Variants in MYBL2 observed in about 807,000 individuals in gnomAD.
The protein encoded by MYBL2 is MYB proto-oncogene like 2.
A neutral mutation model predicts 79.9 loss-of-function variants in MYBL2; 28 were observed. The observed-to-expected ratio is 0.35, with a 90% confidence interval of 0.26 to 0.48. The LOEUF (loss-of-function observed/expected upper bound fraction) is 0.48. Ranked by LOEUF, MYBL2 falls within the 20% of genes least tolerant of loss-of-function variation. The pLI, the probability that MYBL2 is intolerant of heterozygous loss-of-function variation, is 0.99. For synonymous variants in MYBL2, 378 were observed against 361.2 expected, an observed-to-expected ratio of 1.05 and a Z score of -0.53; for missense variants, 735 against 893.9, an observed-to-expected ratio of 0.82 and a Z score of 2.27.
At chr20:43,668,329 T>A (rs1986773818) in intron 1 of MYBL2, among the ~76,000 whole-genome samples, 1 of 150,714 alleles carries the variant, frequency 6.6e-6, no homozygotes, top group Admixed American at 6.7e-5. Context: ...GCTTCCCGAG[T>A]AGCTGGGACT....
intron 1 of MYBL2, 74 bp downstream of exon 1, chr20:43,667,377 A>T (rs1207430349): frequency 1.1e-6 from 1 of 928,872 alleles, no homozygotes; most frequent in East Asian, 6.9e-5. Context: ...GATACCCCCG[A>T]CCCTCCCCAG....
At chr20:43,671,559 G>A (rs564411270) in intron 1 of MYBL2, among the ~76,000 whole-genome samples, 3 of 135,352 alleles carry the variant, frequency 2.2e-5, no homozygotes, top group Admixed American at 8.4e-5. Flanking sequence ...CGCAACCTCC[G>A]CCTCCCAGGT....
chr20:43,699,415 G>T (rs1987631282), intron 6 of MYBL2, among the ~76,000 whole-genome samples: 1 of 152,118 alleles, frequency 6.6e-6, no homozygotes, highest in African/African-American at 2.4e-5. Context: ...TAAGAATAAG[G>T]CCATTTGCTT....
chr20:43,695,396 T>A (rs1272134821), intron 6 of MYBL2, among the ~76,000 whole-genome samples: 1 of 152,146 alleles, frequency 6.6e-6, no homozygotes, highest in Non-Finnish European at 1.5e-5. Context: ...TGGTGTGCTA[T>A]TTATTTAACT....
chr20:43,692,207 T>C lies in MYBL2; in HGVS notation c.551T>C (p.Val184Ala), dbSNP rs1022966588. The C allele has an allele frequency of 1.4e-5, 22 of 1,614,012 alleles. No individual in the cohort carries two copies. Among genetic ancestry groups the C allele is most frequent in the Non-Finnish European group, 1.7e-5 (20 of 1,180,048 alleles). Residue 184 changes from valine (V) to alanine (A), a missense_variant, in exon 6 of 14, where the codon GTG becomes GCG. By Grantham distance (64) the Val-to-Ala change is moderately conservative. Coordinates refer to ENST00000217026, the MANE Select transcript of MYBL2 (RefSeq NM_002466.4). ...TGGAACTCTACCATCAAAAGGAAGG[T>C]GGACACAGGAGGCTTCTTGAGCGAG... Reference protein sequence around the residue: ...NHWNSTIKRKVDTGGFLSESK... With the variant: ...NHWNSTIKRKADTGGFLSESK...
intron 6 of MYBL2, among the ~76,000 whole-genome samples, chr20:43,699,409 A>T (rs2145726555): frequency 6.6e-6 from 1 of 152,318 alleles, no homozygotes; most frequent in East Asian, 1.9e-4. Context: ...GATTCCTAAG[A>T]ATAAGGCCAT....
intron 10 of MYBL2, among the ~76,000 whole-genome samples, 198 bp from the exon 11 acceptor site, chr20:43,711,290 G>T (rs1046925646): frequency 3.3e-5 from 5 of 152,220 alleles, no homozygotes; most frequent in Admixed American, 1.3e-4. Context: ...AGGCCCCTGG[G>T]AATCAAGGTC....
chr20:43,706,719 G>GTTTTTTTTTTTTTTTTTTTTT (rs71193702), intron 9 of MYBL2, among the ~76,000 whole-genome samples: 8 of 70,766 alleles, frequency 1.1e-4, no homozygotes, highest in African/African-American at 3.0e-4. Context: ...AAAAAAAAAA[G>GTTTTTTTTTTTTTTTTTTTTT]TTTTTTTTTT....
intron 5 of MYBL2, among the ~76,000 whole-genome samples, chr20:43,691,149 G>C (rs1211349579): frequency 6.6e-6 from 1 of 152,168 alleles, no homozygotes; most frequent in Non-Finnish European, 1.5e-5. Flanking sequence ...CCACTTATCA[G>C]TCTGTGGGAG....
chr20:43,695,458 T>G (rs927252680), intron 6 of MYBL2, among the ~76,000 whole-genome samples: 1 of 152,220 alleles, frequency 6.6e-6, no homozygotes, highest in Non-Finnish European at 1.5e-5. Context: ...TTATTAGAGA[T>G]AAAACTCTTA....
intron 4 of MYBL2, among the ~76,000 whole-genome samples, chr20:43,685,259 C>A (rs1322195700): frequency 6.6e-6 from 1 of 151,786 alleles, no homozygotes; most frequent in African/African-American, 2.4e-5. Context: ...CAGCTCATTG[C>A]AACCTCCTCC....
intron 8 of MYBL2, among the ~76,000 whole-genome samples, chr20:43,704,042 CAGGCTGG>C (rs1270690482): frequency 6.6e-6 from 1 of 152,146 alleles, no homozygotes; most frequent in East Asian, 1.9e-4. Flanking sequence ...CTCTGTTGCC[CAGGCTGG>C]AGGCTGGAGG....
At position 43,699,813 on chromosome 20, in the gene MYBL2, C is replaced by T; in HGVS notation, c.720C>T (p.Asn240=). 2 of 1,614,156 alleles carry T rather than the reference C, an allele frequency of 1.2e-6. No individual in the cohort carries two copies. The highest frequency in any genetic ancestry group is 1.3e-5 in the African/African-American group (1 of 75,014). ...CTCCTACCATAAAGGAGGAGGAAAA[C>T]AGTGAGGAGGAACTTGCAGCAGCCA... ...SVPPTIKEEE[N]SEEELAAATT... Residue 240 remains asparagine, a synonymous_variant, in exon 7 of 14, where the codon AAC becomes AAT. Transcript: ENST00000217026.
intron 1 of MYBL2, 30 bp downstream of exon 1, chr20:43,667,333 T>C (rs1600537416): frequency 8.2e-7 from 1 of 1,214,268 alleles, no homozygotes. Flanking sequence ...CTTGGGCCCC[T>C]CCCCCTCCCT....
At chr20:43,672,815 C>T (rs1462566008) in intron 1 of MYBL2, among the ~76,000 whole-genome samples, 2 of 152,146 alleles carry the variant, frequency 1.3e-5, no homozygotes, top group African/African-American at 4.8e-5. Context: ...TAACTAATAT[C>T]TCTTAAAATC....
intron 2 of MYBL2, among the ~76,000 whole-genome samples, chr20:43,674,690 G>A (rs1359008504): frequency 1.3e-5 from 2 of 150,054 alleles, no homozygotes; most frequent in African/African-American, 4.9e-5. Context: ...CACTGCACCC[G>A]GCCTTAATTT....
At position 43,712,932 on chromosome 20, in the gene MYBL2, G is replaced by T; in HGVS notation, c.1720-70G>T. The T allele has an allele frequency of 2.4e-6, 3 of 1,243,010 alleles. No individual in the cohort carries two copies. The South Asian group carries it at 3.9e-5, about 16-fold the overall frequency. The allele number at this position is 1,243,010 out of a possible 1,614,324, so 77.0% of individuals were successfully genotyped here. A position where few individuals can be genotyped will look rare whatever the true frequency, so the allele number is the denominator to read the frequency against. On this transcript the variant is annotated intron_variant, in intron 11 of 13. Transcript: ENST00000217026. ...TGGTTTTGTGACCATCCATGGCCAT[G>T]ACCATCCAGGTGCTGACCATGGGGA...
intron 12 of MYBL2, among the ~76,000 whole-genome samples, chr20:43,713,474 G>A (rs1158739581): frequency 2.7e-5 from 4 of 149,952 alleles, no homozygotes; most frequent in East Asian, 2.0e-4. Context: ...TGCAACCTCC[G>A]TCTCCCGAGT....
In MYBL2 at chr20:43,681,850, T is replaced by C. The variant is rs1987151680; in HGVS notation, c.181T>C (p.Phe61Leu). 3 of 1,614,206 alleles carry C rather than the reference T, an allele frequency of 1.9e-6. No individual in the cohort carries two copies. Residue 61 changes from phenylalanine to leucine, a missense_variant, in exon 3 of 14, where the codon TTC (phenylalanine) becomes CTC (leucine). Physicochemically the swap from Phe to Leu is conservative, Grantham distance 22 (BLOSUM62 0). Around this residue, in one of 5 missense-constraint regions of MYBL2, gnomAD observed 79 missense variants for 86.7 expected, o/e 0.91. Coordinates refer to ENST00000217026, the MANE Select transcript of MYBL2 (RefSeq NM_002466.4). ...GGACTGGAAGTTCCTGGCCAGCCAC[T>C]TCCCTGTGAGTACAGTCCTGCTGTG... is the stretch of plus-strand genomic sequence containing the variant. The part of the protein sequence containing the change: ...QQDWKFLASH[F>L]PNRTDQQCQY...
Sources: gnomAD v4.1 joint callset for allele counts (sites outside exome capture counted in the v4.1 genomes callset) on GRCh38, gnomAD v4.1.1 for gene constraint, gnomAD v4.1.1 regional missense constraint, MANE v1.5 for transcripts, NCBI Gene and HGNC (gene_info 2026-07-23, HGNC 2026-07-21) for gene names.